The following BMPER variants were observed in gnomAD, a reference collection of about 807,000 sequenced individuals.
BMPER encodes the protein BMP binding endothelial regulator, also known as BMP-binding endothelial regulator protein.
A neutral mutation model predicts 87.3 loss-of-function variants in BMPER; 45 were observed. The observed-to-expected ratio is 0.52, with a 90% CI of 0.41 to 0.66. The LOEUF (loss-of-function observed/expected upper bound fraction) is 0.66. BMPER is among the 30% of genes least tolerant of loss of function. The probability of loss-of-function intolerance (pLI) is 0.00; values close to 1 mark genes in which losing one functional copy is unlikely to be tolerated. For missense variants in BMPER, 784 were observed against 867.5 expected (o/e 0.90, Z 1.21); for synonymous variants, 326 against 316.2 (o/e 1.03, Z -0.33).
At chr7:34,052,072 G>C in intron 8 of BMPER, 102 bp downstream of exon 8, 1 of 1,086,400 alleles carries the variant, frequency 9.2e-7, no homozygotes, top group Non-Finnish European at 1.4e-6. Flanking sequence ...TATTTATTGG[G>C]AGGAAGCATT....
chr7:33,918,554 A>C (rs1251448641), intron 2 of BMPER, among the ~76,000 whole-genome samples: 1 of 152,198 alleles, frequency 6.6e-6, no homozygotes, highest in Non-Finnish European at 1.5e-5. Context: ...TAGCATCAAG[A>C]CATTCACATA....
intron 13 of BMPER, among the ~76,000 whole-genome samples, chr7:34,111,794 A>C (rs2127986254): frequency 6.6e-6 from 1 of 152,234 alleles, no homozygotes; most frequent in South Asian, 2.1e-4. Context: ...GCTCACTGCA[A>C]CCTCTGCCCC....
intron 6 of BMPER, among the ~76,000 whole-genome samples, chr7:33,994,580 T>C (rs576466865): frequency 6.6e-6 from 1 of 152,324 alleles, no homozygotes; most frequent in South Asian, 2.1e-4. Context: ...TCACCCGTCT[T>C]CTGCGTCACT....
chr7:34,095,744 A>T (rs1470262415), intron 13 of BMPER, among the ~76,000 whole-genome samples: 2 of 151,758 alleles, frequency 1.3e-5, no homozygotes, highest in Non-Finnish European at 2.9e-5. Context: ...TCCAGGCATG[A>T]TTTTTTTTAG....
chr7:34,078,154 TTTACTGGAATGTC>T (rs1788913836), intron 11 of BMPER, among the ~76,000 whole-genome samples: 1 of 152,248 alleles, frequency 6.6e-6, no homozygotes. Flanking sequence ...GAATGATGAC[TTTACTGGAATGTC>T]TTAACTGTAC....
intron 3 of BMPER, among the ~76,000 whole-genome samples, chr7:33,952,460 C>A (rs1785048688): frequency 6.6e-6 from 1 of 152,110 alleles, no homozygotes; most frequent in African/African-American, 2.4e-5. Flanking sequence ...GGCCATAAAG[C>A]TGAGAGAATA....
At chr7:33,991,124 G>T (rs1786203531) in intron 6 of BMPER, among the ~76,000 whole-genome samples, 1 of 146,552 alleles carries the variant, frequency 6.8e-6, no homozygotes, top group Admixed American at 6.9e-5. Context: ...AATGATGCTG[G>T]CCTCATAAAA....
rs1786471842 is a variant in BMPER, at chr7:33,998,136, A to C, written c.576+23352A>C. On this transcript the variant is annotated intron_variant, in intron 6 of 14. Transcript: ENST00000649409. ...GTAGGTGCTCAACAAATATTTGCCT[A>C]GTGAATGAATGAACAAATACCAAGC... 2.0e-5 allele frequency among the ~76,000 whole-genome samples: 3 copies of C among 152,218 alleles called. No homozygotes were observed. In the South Asian group the frequency reaches 6.2e-4, roughly 32 times the overall value.
In BMPER at chr7:34,046,367, G is replaced by A. The variant is rs1290012318; in HGVS notation, c.638G>A (p.Ser213Asn). The A allele has an allele frequency of 6.2e-7, 1 of 1,614,034 alleles. No individual in the cohort carries two copies. The highest frequency in any genetic ancestry group is 2.2e-5 in the East Asian group (1 of 44,866). ...CPILSCPQHL[S>N]HIPPGQCCPK... ...ATTCTCTCCTGTCCCCAGCACCTTA[G>A]TCACATACCCCCAGGACAGTGCTGC... The change falls in exon 7 of 15, where the codon AGT becomes AAT. Residue 213 changes from serine to asparagine, a missense_variant. Physicochemically the swap from Ser to Asn is conservative, Grantham distance 46. Coordinates refer to ENST00000649409, the MANE Select transcript of BMPER (RefSeq NM_001365308.1).
intron 13 of BMPER, among the ~76,000 whole-genome samples, chr7:34,120,368 A>G (rs1206018181): frequency 6.6e-6 from 1 of 151,334 alleles, no homozygotes; most frequent in East Asian, 2.0e-4. Context: ...AAAAAAAAAT[A>G]CAATGATGAT....
intron 6 of BMPER, among the ~76,000 whole-genome samples, chr7:34,019,212 C>T (rs1385390243): frequency 6.6e-6 from 1 of 152,012 alleles, no homozygotes; most frequent in East Asian, 1.9e-4. Flanking sequence ...TCCTTTCTTC[C>T]TTCAGCTTCC....
intron 3 of BMPER, among the ~76,000 whole-genome samples, chr7:33,961,364 G>A (rs1785265968): frequency 6.6e-6 from 1 of 152,186 alleles, no homozygotes; most frequent in Non-Finnish European, 1.5e-5. Flanking sequence ...AAGGGCTAGG[G>A]GTGGGTGCCT....
At chr7:33,990,838 T>A (rs112715802) in intron 6 of BMPER, among the ~76,000 whole-genome samples, 2,284 of 112,576 alleles carry the variant, frequency 0.02, 26 homozygotes, top group Non-Finnish European at 0.031. Flanking sequence ...GTTGTTGAAT[T>A]TTGTCAAAGG....
chr7:33,985,059 A>G (rs1785965808), intron 6 of BMPER, among the ~76,000 whole-genome samples: 1 of 152,230 alleles, frequency 6.6e-6, no homozygotes, highest in South Asian at 2.1e-4. Flanking sequence ...AGAGGAATTC[A>G]CTTTTCCTTT....
intron 6 of BMPER, among the ~76,000 whole-genome samples, chr7:34,004,370 T>G (rs1051085113): frequency 6.6e-6 from 1 of 152,148 alleles, no homozygotes; most frequent in Non-Finnish European, 1.5e-5. Context: ...CTTTCTGTAA[T>G]AAGTCCAACC....
intron 13 of BMPER, among the ~76,000 whole-genome samples, chr7:34,141,080 T>A (rs1050141044): frequency 3.3e-5 from 5 of 152,112 alleles, no homozygotes; most frequent in Non-Finnish European, 5.9e-5. Context: ...TGAGCGTAAA[T>A]ATGATGGGTG....
chr7:34,059,038 A>C (rs537172925), intron 10 of BMPER, among the ~76,000 whole-genome samples: 3 of 151,718 alleles, frequency 2.0e-5, no homozygotes, highest in Admixed American at 6.6e-5. Flanking sequence ...AAAAAAAAAA[A>C]CCCTAATTAG....
chr7:33,994,529 C>G (rs1009476692), intron 6 of BMPER, among the ~76,000 whole-genome samples: 5 of 152,218 alleles, frequency 3.3e-5, no homozygotes, highest in African/African-American at 1.2e-4. Context: ...CTGGCGCTCC[C>G]TAGTGAGATG....
At position 34,053,741 on chromosome 7, in the gene BMPER, G is replaced by A. The variant is rs141175397; in HGVS notation, c.787-1422G>A. On this transcript the variant is annotated intron_variant, in intron 8 of 14. Transcript: ENST00000649409. ...GTAAGCCGAAGAGGAGGAGGGGTTG[G>A]TCTTGTCTCAGGGGTAGAAGAGGCA... is the stretch of plus-strand genomic sequence containing the variant. 4.0e-3 allele frequency among the ~76,000 whole-genome samples: 614 copies of A among 152,280 alleles called. 6 individuals carry two copies. Among genetic ancestry groups the A allele is most frequent in the Middle Eastern group, 0.024 (7 of 294 alleles).
Sources: gnomAD v4.1 joint callset for allele counts (sites outside exome capture counted in the v4.1 genomes callset) on GRCh38, gnomAD v4.1.1 for gene constraint, MANE v1.5 for transcripts, NCBI Gene and HGNC (gene_info 2026-07-23, HGNC 2026-07-21) for gene names.